Variants in RASAL3 observed in about 807,000 individuals in gnomAD.
RASAL3 encodes RAS protein activator like-3.
RASAL3 carries 74 observed loss-of-function variants against 105.5 expected under a neutral mutation model. That is an observed-to-expected ratio of 0.70 (90% confidence interval 0.58 to 0.85). RASAL3 has a LOEUF of 0.85. RASAL3 is among the 40% of genes least tolerant of loss of function. The pLI is 0.00. For missense variants in RASAL3, 1,352 were observed against 1,392.0 expected (o/e 0.97, Z 0.46); for synonymous variants, 579 against 591.6 (o/e 0.98, Z 0.31).
Position 15,458,675 on chromosome 19 carries a change from G to A in RASAL3, c.663-20C>T, listed in dbSNP as rs1377830998. 6.2e-7 allele frequency: 1 copy of A among 1,608,958 alleles called. No individual in the cohort carries two copies. ...GGGGGTCTGGGAAGGGGGTGGGTGA[G>A]CACACCGTCATTCCTGCCTCTTCCC... On this transcript the variant is annotated intron_variant, in intron 6 of 17. Transcript: ENST00000343625.
intron 15 of RASAL3, 110 bp from the exon 16 acceptor site, chr19:15,452,925 T>C (rs1970204558): frequency 8.2e-6 from 12 of 1,458,716 alleles, no homozygotes; most frequent in Middle Eastern, 4.7e-4. Flanking sequence ...GCCTGCCTAG[T>C]TGGGGAACAT....
At chr19:15,454,629 C>A in intron 12 of RASAL3, 28 bp downstream of exon 12, 1 of 1,610,952 alleles carries the variant, frequency 6.2e-7, no homozygotes, top group Non-Finnish European at 8.5e-7. Context: ...CAGCATGGTC[C>A]CCCCACCCCT....
In RASAL3 at chr19:15,452,834, T is replaced by A. The variant is rs1032834789; in HGVS notation, c.2671-19A>T. 6.5e-7 allele frequency: 1 copy of A among 1,529,016 alleles called. No individual in the cohort carries two copies. The highest frequency in any genetic ancestry group is 1.4e-5 in the African/African-American group (1 of 72,712). The allele number at this position is 1,529,016 out of a possible 1,614,324, so 94.7% of individuals were successfully genotyped here. On this transcript the variant is annotated intron_variant, in intron 15 of 17. Coordinates refer to ENST00000343625, the MANE Select transcript of RASAL3 (RefSeq NM_022904.3). ...CTGCCAACTGTGGTGGGAGAGCAGCTGTAATCTGACCCGTTGTCCCGCCCC... is the reference window on the plus strand; with the variant it reads ...CTGCCAACTGTGGTGGGAGAGCAGCAGTAATCTGACCCGTTGTCCCGCCCC...
rs764688127 is a variant in RASAL3, at chr19:15,451,856, C to A, written c.2975G>T (p.Arg992Leu). 2 of 1,608,584 alleles carry A rather than the reference C, an allele frequency of 1.2e-6. No individual in the cohort carries two copies. The highest frequency in any genetic ancestry group is 1.7e-6 in the Non-Finnish European group (2 of 1,175,930). Residue 992 changes from arginine (R) to leucine (L), a missense_variant, in exon 18 of 18, where the codon CGG becomes CTG. Arg to Leu is a moderately radical substitution (Grantham distance 102). Around this residue, in one of 3 missense-constraint regions of RASAL3, gnomAD observed 920 missense variants for 919.6 expected, o/e 1.00. Transcript: ENST00000343625. ...GGGCTGGGGTTGACTCCAAGACCCC[C>A]GCGTCCTTGGAGAAAGCTGCAGGCT... is the stretch of plus-strand genomic sequence containing the variant. ...VQSLQLSPRTRGSWSQPQPLK... is the reference protein window; with the variant it reads ...VQSLQLSPRTLGSWSQPQPLK...
chr19:15,457,669 C>A lies in RASAL3; in HGVS notation c.1054G>T (p.Ala352Ser). The A allele has an allele frequency of 2.1e-6, 3 of 1,448,382 alleles. No individual in the cohort carries two copies. The highest frequency in any genetic ancestry group is 1.8e-6 in the Non-Finnish European group (2 of 1,102,650). The allele number at this position is 1,448,382 out of a possible 1,614,324, so 89.7% of individuals were successfully genotyped here. A position where few individuals can be genotyped will look rare whatever the true frequency, so the allele number is the denominator to read the frequency against. Residue 352 changes from alanine (A) to serine (S), a missense_variant, in exon 9 of 18, where the codon GCC becomes TCC. By Grantham distance (99) the Ala-to-Ser change is moderately conservative (BLOSUM62 1). This residue lies in a region of RASAL3 where 920 missense variants were observed against 919.6 expected (regional missense o/e 1.00). Transcript: ENST00000343625. This position sits in a 1 kb window ranked among gnomAD's most constrained non-coding sequence, Gnocchi z 8.6. ...AGCGCCTCGAAGTGGAAGCGCTCGG[C>A]CCAGAAGAGCTGGCCTGGGCCGGCC... ...PRAGPGQLFWAERFHFEALPP... is the reference protein window; with the variant it reads ...PRAGPGQLFWSERFHFEALPP...
chr19:15,454,488 A>C lies in RASAL3; in HGVS notation c.2033T>G (p.Phe678Cys), dbSNP rs1309392925. 1.2e-6 allele frequency: 2 copies of C among 1,613,916 alleles called. No individual in the cohort carries two copies. ...ATCCACCATGGCTACCTGGTCCAGGAAGCATTGCATGGCTGGTCCATGTTC... is the reference window on the plus strand; with the variant it reads ...ATCCACCATGGCTACCTGGTCCAGGCAGCATTGCATGGCTGGTCCATGTTC... ...LEEHGPAMQC[F>C]LDQVAMVDVD... Residue 678 changes from phenylalanine (F) to cysteine (C), a missense_variant, in exon 13 of 18, where the codon TTC becomes TGC. Coordinates refer to ENST00000343625, the MANE Select transcript of RASAL3 (RefSeq NM_022904.3).
chr19:15,452,790 G>C lies in RASAL3; in HGVS notation c.2696C>G (p.Ala899Gly), dbSNP rs192521892. The stretch of plus-strand genomic sequence containing the variant: ...CACTTTCTGCTCCTCACGCAGAGCG[G>C]CCACCTCGCACTGCAGCTCTGCCAA... ...NKLAELQCEV[A>G]ALREEQKVLS... The change falls in exon 16 of 18, where the codon GCC (alanine) becomes GGC (glycine). Residue 899 changes from alanine to glycine, a missense_variant. By Grantham distance (60) the Ala-to-Gly change is moderately conservative. Transcript: ENST00000343625. 1 of 1,562,156 alleles carries C rather than the reference G, an allele frequency of 6.4e-7. No homozygotes were observed. The highest frequency in any genetic ancestry group is 8.7e-7 in the Non-Finnish European group (1 of 1,152,886).
chr19:15,461,591 T>TGGCTCC lies in RASAL3; in HGVS notation c.339_344dup (p.Pro115_Glu116dup). 4 of 1,531,514 alleles carry TGGCTCC rather than the reference T, an allele frequency of 2.6e-6. No individual in the cohort carries two copies. The highest frequency in any genetic ancestry group is 3.5e-6 in the Non-Finnish European group (4 of 1,144,954). 94.9% of individuals were successfully genotyped at this position (1,531,514 alleles called of 1,614,324 possible). Reference sequence around the variant, plus strand: ...TCTGTGGGGTAGGGGGCTCCAGCTCTGGCTCCGGCTCCAGCTCTGGGAAGA... The same window carrying TGGCTCC: ...TCTGTGGGGTAGGGGGCTCCAGCTCTGGCTCCGGCTCCGGCTCCAGCTCTGGGAAGA... On this transcript the variant is annotated inframe_insertion, in exon 3 of 18. Coordinates refer to ENST00000343625, the MANE Select transcript of RASAL3 (RefSeq NM_022904.3).
In RASAL3 at chr19:15,452,712, T is replaced by C. The variant is rs1230298297; in HGVS notation, c.2774A>G (p.Gln925Arg). Residue 925 changes from glutamine to arginine, a missense_variant, in exon 16 of 18, where the codon CAG (glutamine) becomes CGG (arginine). Coordinates refer to ENST00000343625, the MANE Select transcript of RASAL3 (RefSeq NM_022904.3). ...CAGCTGGCCCCGCAGCTGCTCCTGC[T>C]GCTCCGTCAAGGCCCGGATTTGGGT... ...LSTQIRALTE[Q>R]QEQLRGQLQD... The C allele has an allele frequency of 6.4e-7, 1 of 1,554,090 alleles. No homozygotes were observed. The highest frequency in any genetic ancestry group is 1.9e-5 in the Admixed American group (1 of 51,548).
intron 6 of RASAL3, among the ~76,000 whole-genome samples, chr19:15,459,670 G>A (rs961022352): frequency 6.6e-6 from 1 of 151,966 alleles, no homozygotes; most frequent in African/African-American, 2.4e-5. Context: ...CCCAGTAGGT[G>A]GGACTACAGG....
Position 15,464,152 on chromosome 19 carries a change from C to T in RASAL3, c.207G>A (p.Arg69=). The change falls in exon 2 of 18, where the codon CGG becomes CGA. Residue 69 remains arginine, a synonymous_variant. Coordinates refer to ENST00000343625, the MANE Select transcript of RASAL3 (RefSeq NM_022904.3). ...ACTCCTTGGGAGGCGCAGATAGGAC[C>T]CGACGGAATATCGAGCGAGGGGCTG... ...TQPAPRSIFR[R]VLSAPPKESR... 6.2e-7 allele frequency: 1 copy of T among 1,613,540 alleles called. No homozygotes were observed. The highest frequency in any genetic ancestry group is 8.5e-7 in the Non-Finnish European group (1 of 1,179,806).
In RASAL3 at chr19:15,456,389, C is replaced by T. The variant is rs1296116619; in HGVS notation, c.1576+113G>A. On this transcript the variant is annotated intron_variant, in intron 10 of 17. Coordinates refer to ENST00000343625, the MANE Select transcript of RASAL3 (RefSeq NM_022904.3). The surrounding 1 kb of genome is among the most constrained non-coding windows in gnomAD (Gnocchi z 4.4). The stretch of plus-strand genomic sequence containing the variant: ...CCCAATTGTCCCCAGGATCCTAGCA[C>T]CCCCAAAACACCACTCACTACCAGA... 17 of 1,522,476 alleles carry T rather than the reference C, an allele frequency of 1.1e-5. No individual in the cohort carries two copies. The highest frequency in any genetic ancestry group is 4.1e-5 in the African/African-American group (3 of 72,800). 94.3% of individuals were successfully genotyped at this position (1,522,476 alleles called of 1,614,324 possible).
In RASAL3 at chr19:15,451,632, A is replaced by C. The variant is rs1181049064; in HGVS notation, c.*163T>G. The C allele has an allele frequency of 2.9e-6, 2 of 691,112 alleles. No homozygotes were observed. Among genetic ancestry groups the C allele is most frequent in the Non-Finnish European group, 4.6e-6 (2 of 436,350 alleles). 42.8% of individuals were successfully genotyped at this position (691,112 alleles called of 1,614,324 possible). ...GGCAAAGAAACCACCAATTTCACTG[A>C]AATCAAGATTTTACTGGGCAACTTC... On this transcript the variant is annotated 3_prime_UTR_variant, in exon 18 of 18. Coordinates refer to ENST00000343625, the MANE Select transcript of RASAL3 (RefSeq NM_022904.3).
intron 5 of RASAL3, 145 bp downstream of exon 5, chr19:15,460,915 A>T: frequency 1.4e-6 from 1 of 728,098 alleles, no homozygotes; most frequent in Non-Finnish European, 2.4e-6. Context: ...TTATTTCATT[A>T]GCTTCATTTG....
rs750237099 is a variant in RASAL3 at position 15,458,664 on chromosome 19, G to C, written c.663-9C>G. 6.2e-7 allele frequency: 1 copy of C among 1,611,806 alleles called. No homozygotes were observed. Among genetic ancestry groups the C allele is most frequent in the Non-Finnish European group, 8.5e-7 (1 of 1,179,174 alleles). On this transcript the variant is annotated splice_polypyrimidine_tract_variant and intron_variant, in intron 6 of 17. Coordinates refer to ENST00000343625, the MANE Select transcript of RASAL3 (RefSeq NM_022904.3). ...CCAGAGCACTGGGGGGTCTGGGAAGGGGGTGGGTGAGCACACCGTCATTCC... is the reference window on the plus strand; with the variant it reads ...CCAGAGCACTGGGGGGTCTGGGAAGCGGGTGGGTGAGCACACCGTCATTCC...
intron 2 of RASAL3, among the ~76,000 whole-genome samples, chr19:15,462,094 T>A (rs1219644378): frequency 6.6e-6 from 1 of 152,184 alleles, no homozygotes; most frequent in Non-Finnish European, 1.5e-5. Flanking sequence ...GGCTCATGCC[T>A]GTAATCCCAA....
chr19:15,457,693 C>G lies in RASAL3; in HGVS notation c.1030G>C (p.Ala344Pro), dbSNP rs1458909895. Reference sequence around the variant, plus strand: ...GCCCAGAAGAGCTGGCCTGGGCCGGCCCGAGGCGCCGTGCGTGCCAGCAGC... The same window carrying G: ...GCCCAGAAGAGCTGGCCTGGGCCGGGCCGAGGCGCCGTGCGTGCCAGCAGC... ...GALLARTAPR[A>P]GPGQLFWAER... Residue 344 changes from alanine (A) to proline (P), a missense_variant, in exon 9 of 18, where the codon GCC (alanine) becomes CCC (proline). By Grantham distance (27) the Ala-to-Pro change is conservative (BLOSUM62 -1). This residue lies in a region of RASAL3 where 88 missense variants were observed against 132.7 expected (regional missense o/e 0.66). Transcript: ENST00000343625. The surrounding 1 kb of genome is among the most constrained non-coding windows in gnomAD (Gnocchi z 8.6). 6.8e-6 allele frequency: 10 copies of G among 1,460,576 alleles called. No homozygotes were observed. Among genetic ancestry groups the G allele is most frequent in the Middle Eastern group, 5.0e-4 (2 of 3,988 alleles). 90.5% of individuals were successfully genotyped at this position (1,460,576 alleles called of 1,614,324 possible).
At chr19:15,461,690 G>C (rs1970517153) in intron 2 of RASAL3, 83 bp from the exon 3 acceptor site, 1 of 1,426,098 alleles carries the variant, frequency 7.0e-7, no homozygotes, top group African/African-American at 1.5e-5. Flanking sequence ...AAGGCTCATG[G>C]TGGGTTCCCT....
rs1433649631 is a variant in RASAL3 at position 15,453,104 on chromosome 19, T to G, written c.2670+3A>C. The G allele has an allele frequency of 6.2e-7, 1 of 1,613,312 alleles. No homozygotes were observed. The highest frequency in any genetic ancestry group is 1.3e-5 in the African/African-American group (1 of 74,906). ...CCAGGCGCGGACCTGGGCCTGACCTTACCTTGTTCACAGGTCGGTGCGTGC... is the reference window on the plus strand; with the variant it reads ...CCAGGCGCGGACCTGGGCCTGACCTGACCTTGTTCACAGGTCGGTGCGTGC... On this transcript the variant is annotated splice_donor_region_variant and intron_variant, in intron 15 of 17. Coordinates refer to ENST00000343625, the MANE Select transcript of RASAL3 (RefSeq NM_022904.3). This position sits in a 1 kb window ranked among gnomAD's most constrained non-coding sequence, Gnocchi z 4.2.
Sources: allele counts gnomAD v4.1 joint callset (sites outside exome capture counted in the v4.1 genomes callset), GRCh38; gene constraint gnomAD v4.1.1; regional missense constraint gnomAD v4.1.1; non-coding constraint Gnocchi (gnomAD v3.1); transcripts MANE v1.5; gene names NCBI Gene and HGNC (gene_info 2026-07-23, HGNC 2026-07-21).